FAT2: variants seen among roughly 807,000 people sequenced by gnomAD.
FAT2 encodes the protein protocadherin Fat 2.
FAT2 carries 150 observed loss-of-function variants against 295.3 expected under a neutral mutation model. The ratio of observed to expected loss-of-function variants is 0.51; its 90% CI spans 0.44 to 0.58. The LOEUF is 0.58. Among genes scored for constraint, FAT2 ranks in the 20% least tolerant of loss-of-function variants. The pLI is 0.00. For synonymous variants in FAT2, 2,026 were observed against 2,150.3 expected (o/e 0.94, Z 1.60); for missense variants, 4,868 against 5,442.7 (o/e 0.89, Z 3.32).
intron 1 of FAT2, among the ~76,000 whole-genome samples, chr5:151,582,485 GAATCAA>G (rs1411944881): frequency 6.6e-6 from 1 of 152,194 alleles, no homozygotes; most frequent in East Asian, 1.9e-4. Context: ...CAGAGCTACT[GAATCAA>G]AATCCTTAGG....
chr5:151,544,786 G>A lies in FAT2; in HGVS notation c.6341C>T (p.Thr2114Ile), dbSNP rs1561852654. The A allele has an allele frequency of 6.2e-7, 1 of 1,614,190 alleles. No homozygotes were observed. The highest frequency in any genetic ancestry group is 1.6e-4 in the Middle Eastern group (1 of 6,062). The change falls in exon 10 of 24, where the codon ACA becomes ATA. Residue 2114 changes from threonine to isoleucine, a missense_variant. By Grantham distance (89) the Thr-to-Ile change is moderately conservative (BLOSUM62 -1). Coordinates refer to ENST00000261800, the MANE Select transcript of FAT2 (RefSeq NM_001447.3). ...AAGATAGGGGTCAATTCGGAAATAT[G>A]TGTAATCTTCTGCAAATTCATATGT... The part of the protein sequence containing the change: ...AVTYEFAEDY[T>I]YFRIDPYLGD...
At chr5:151,540,993 A>G (rs1241380745) in intron 10 of FAT2, among the ~76,000 whole-genome samples, 1 of 152,234 alleles carries the variant, frequency 6.6e-6, no homozygotes, top group African/African-American at 2.4e-5. Flanking sequence ...AAGAAGCATC[A>G]CTTCAAAATA....
chr5:151,531,714 G>A lies in FAT2; in HGVS notation c.9684C>T (p.Pro3228=), dbSNP rs150055387. The A allele has an allele frequency of 6.2e-6, 10 of 1,613,842 alleles. No individual in the cohort carries two copies. In the African/African-American group the frequency reaches 9.3e-5, roughly 15 times the overall value. Residue 3228 remains proline, a synonymous_variant, in exon 14 of 24, where the codon CCC becomes CCT. Coordinates refer to ENST00000261800, the MANE Select transcript of FAT2 (RefSeq NM_001447.3). The surrounding 1 kb of genome is among the most constrained non-coding windows in gnomAD (Gnocchi z 5.7). The part of the protein sequence containing the change: ...FLNTEHSVQV[P]EDAPPGTEVL... ...CCTCCGTGCCAGGTGGGGCGTCCTC[G>A]GGCACCTGCACGCTGTGCTCGGTGT...
chr5:151,587,987 A>T (rs559545982), intron 1 of FAT2, among the ~76,000 whole-genome samples: 2 of 152,334 alleles, frequency 1.3e-5, no homozygotes, highest in Admixed American at 1.3e-4. Context: ...CAACCCAGGC[A>T]AACTGGCTGT....
In FAT2 at chr5:151,553,376, T is replaced by A. The variant is rs769498905; in HGVS notation, c.3957A>T (p.Thr1319=). 4.3e-6 allele frequency: 7 copies of A among 1,614,070 alleles called. No individual in the cohort carries two copies. The highest frequency in any genetic ancestry group is 1.7e-5 in the Admixed American group (1 of 60,010). Residue 1319 remains threonine, a synonymous_variant, in exon 6 of 24, where the codon ACA becomes ACT. Transcript: ENST00000261800. ...GEYNILTIKA[T]DSGQPPLSAS... ...CTGAGAGTGGTGGCTGCCCACTGTCTGTTGCCTTGATCTGAAAGGAGGCCA... is the reference window on the plus strand; with the variant it reads ...CTGAGAGTGGTGGCTGCCCACTGTCAGTTGCCTTGATCTGAAAGGAGGCCA...
chr5:151,539,813 A>C (rs1367045865), intron 11 of FAT2, among the ~76,000 whole-genome samples: 1 of 152,190 alleles, frequency 6.6e-6, no homozygotes, highest in African/African-American at 2.4e-5. Flanking sequence ...TACACACCCC[A>C]CTCAACATTT....
intron 17 of FAT2, among the ~76,000 whole-genome samples, chr5:151,526,765 A>C (rs1754049155): frequency 2.0e-5 from 3 of 152,192 alleles, no homozygotes; most frequent in African/African-American, 2.4e-5. Flanking sequence ...TAGGACCCAG[A>C]ACTCTGCCTT....
Position 151,505,999 on chromosome 5 carries a change from AG to A in FAT2, c.12615del (p.Ser4206ArgfsTer10). 1 of 1,572,712 alleles carries A rather than the reference AG, an allele frequency of 6.4e-7. No homozygotes were observed. The highest frequency in any genetic ancestry group is 8.6e-7 in the Non-Finnish European group (1 of 1,163,306). ...HSEVTQGPLPPSAHRHSTPVV... is the reference protein window; with the variant it reads ...HSEVTQGPLPXSAHRHSTPVV... ...ACTGGGGTTGAGTGGCGGTGAGCCG[AG>A]GGCGGCAGAGGGCCCTGAGTCACTT... is the stretch of plus-strand genomic sequence containing the variant. On this transcript the variant is annotated frameshift_variant, in exon 24 of 24. Transcript: ENST00000261800. LOFTEE classifies it high-confidence loss of function.
intron 6 of FAT2, 102 bp downstream of exon 6, chr5:151,553,075 C>T (rs1216907873): frequency 1.6e-6 from 2 of 1,218,268 alleles, no homozygotes; most frequent in Non-Finnish European, 2.4e-6. Context: ...TGCCGAGGAG[C>T]CCGACCTTGA....
intron 5 of FAT2, among the ~76,000 whole-genome samples, chr5:151,553,667 A>G (rs947825543): frequency 1.3e-5 from 2 of 152,228 alleles, no homozygotes; most frequent in Admixed American, 6.5e-5. Flanking sequence ...ACTGTGTGCT[A>G]CTTCCTAAAT....
chr5:151,542,150 C>T (rs1394501245), intron 10 of FAT2, 135 bp downstream of exon 10: 5 of 748,706 alleles, frequency 6.7e-6, no homozygotes, highest in Admixed American at 2.7e-5. Flanking sequence ...AACTGAGGTC[C>T]TAGGGGGTTA....
intron 1 of FAT2, among the ~76,000 whole-genome samples, chr5:151,583,528 C>G (rs1561888495): frequency 6.6e-6 from 1 of 152,088 alleles, no homozygotes; most frequent in South Asian, 2.1e-4. Context: ...GATAGTGTCA[C>G]TCTTACATGG....
intron 2 of FAT2, 132 bp downstream of exon 2, chr5:151,565,541 A>G (rs1338625467): frequency 1.2e-6 from 1 of 849,398 alleles, no homozygotes; most frequent in Non-Finnish European, 1.7e-6. Context: ...CAGGAAAAAG[A>G]ATCCCTATTT....
rs1581450457 is a variant in FAT2 at position 151,566,618 on chromosome 5, G to A, written c.2314C>T (p.Leu772Phe). 1 of 1,614,188 alleles carries A rather than the reference G, an allele frequency of 6.2e-7. No individual in the cohort carries two copies. Among genetic ancestry groups the A allele is most frequent in the Non-Finnish European group, 8.5e-7 (1 of 1,180,046 alleles). The change falls in exon 2 of 24, where the codon CTC becomes TTC. Residue 772 changes from leucine to phenylalanine, a missense_variant. This residue lies in a region of FAT2 where 3,297 missense variants were observed against 3,669.4 expected (regional missense o/e 0.90). Coordinates refer to ENST00000261800, the MANE Select transcript of FAT2 (RefSeq NM_001447.3). ...TAGTCCAAGGGAGCAGCTACAGTGA[G>A]CAGCCCTGTCTCCAGCTCTATGTCA... is the stretch of plus-strand genomic sequence containing the variant. ...CFDIELETGLLTVAAPLDYEA... is the reference protein window; with the variant it reads ...CFDIELETGLFTVAAPLDYEA...
rs2127591349 is a variant in FAT2, at chr5:151,531,715, G to A, written c.9683C>T (p.Pro3228Leu). The A allele has an allele frequency of 6.2e-7, 1 of 1,613,890 alleles. No individual in the cohort carries two copies. Among genetic ancestry groups the A allele is most frequent in the Non-Finnish European group, 8.5e-7 (1 of 1,179,942 alleles). ...CTCCGTGCCAGGTGGGGCGTCCTCG[G>A]GCACCTGCACGCTGTGCTCGGTGTT... ...FLNTEHSVQV[P>L]EDAPPGTEVL... The change falls in exon 14 of 24, where the codon CCC becomes CTC. Residue 3228 changes from proline (P) to leucine (L), a missense_variant. Pro to Leu is a moderately conservative substitution (Grantham distance 98). This residue lies in a region of FAT2 where 1,046 missense variants were observed against 1,210.1 expected (regional missense o/e 0.86). Coordinates refer to ENST00000261800, the MANE Select transcript of FAT2 (RefSeq NM_001447.3). The surrounding 1 kb of genome is among the most constrained non-coding windows in gnomAD (Gnocchi z 5.7).
Position 151,542,417 on chromosome 5 carries a change from G to C in FAT2, c.8710C>G (p.Pro2904Ala). The change falls in exon 10 of 24, where the codon CCC becomes GCC. Residue 2904 changes from proline to alanine, a missense_variant. By Grantham distance (27) the Pro-to-Ala change is conservative. This residue lies in a region of FAT2 where 3,297 missense variants were observed against 3,669.4 expected (regional missense o/e 0.90). Transcript: ENST00000261800. ...VSITDENDNAPRFASEEYRGS... is the reference protein window; with the variant it reads ...VSITDENDNAARFASEEYRGS... ...CTGTACTCTTCAGAAGCAAATCGGG[G>C]AGCATTGTCATTCTCATCTGTAATG... 2 of 1,614,128 alleles carry C rather than the reference G, an allele frequency of 1.2e-6. No individual in the cohort carries two copies. The highest frequency in any genetic ancestry group is 1.7e-6 in the Non-Finnish European group (2 of 1,180,026).
At chr5:151,535,948 T>C (rs1755231896) in intron 12 of FAT2, among the ~76,000 whole-genome samples, 1 of 151,864 alleles carries the variant, frequency 6.6e-6, no homozygotes, top group Non-Finnish European at 1.5e-5. Flanking sequence ...TTGAGAGAGG[T>C]TTTTCCGAAA....
chr5:151,509,169 C>G (rs930391518), intron 22 of FAT2, among the ~76,000 whole-genome samples: 2 of 152,190 alleles, frequency 1.3e-5, no homozygotes, highest in African/African-American at 4.8e-5. Flanking sequence ...CTGGGAAGTT[C>G]AGGTCCAGAG....
At chr5:151,527,527 A>G in intron 16 of FAT2, 150 bp from the exon 17 acceptor site, 1 of 656,880 alleles carries the variant, frequency 1.5e-6, no homozygotes. Flanking sequence ...TTTAGGGCTT[A>G]GGTTCTGGAG....
Sources: allele counts gnomAD v4.1 joint callset (sites outside exome capture counted in the v4.1 genomes callset), GRCh38; gene constraint gnomAD v4.1.1; regional missense constraint gnomAD v4.1.1; non-coding constraint Gnocchi (gnomAD v3.1); transcripts MANE v1.5; gene names NCBI Gene and HGNC (gene_info 2026-07-23, HGNC 2026-07-21).